The following ATP2B2 variants were observed in gnomAD, a reference collection of about 807,000 sequenced individuals.
ATP2B2 encodes the protein plasma membrane calcium-transporting ATPase 2.
A neutral mutation model predicts 120.0 loss-of-function variants in ATP2B2; 15 were observed. The observed-to-expected ratio is 0.12, with a 90% CI of 0.08 to 0.19. The LOEUF is 0.19. Among genes scored for constraint, ATP2B2 ranks in the 10% least tolerant of loss-of-function variants. The pLI, the probability that ATP2B2 is intolerant of heterozygous loss-of-function variation, is 1.00. For missense variants in ATP2B2, 1,045 were observed against 1,719.8 expected (o/e 0.61, Z 6.94); for synonymous variants, 694 against 700.3 (o/e 0.99, Z 0.14).
chr3:10,472,587 C>T (rs2065059022), intron 1 of ATP2B2, among the ~76,000 whole-genome samples: 1 of 152,202 alleles, frequency 6.6e-6, no homozygotes, highest in South Asian at 2.1e-4. Context: ...TGGCTGCTGA[C>T]TCAAAATATT....
rs773005890 is a variant in ATP2B2, at chr3:10,388,347, G to A, written c.837C>T (p.Asn279=). 6.2e-7 allele frequency: 1 copy of A among 1,614,128 alleles called. No homozygotes were observed. Among genetic ancestry groups the A allele is most frequent in the South Asian group, 1.1e-5 (1 of 91,084 alleles). ...GGGTAAAGATGATGCCAGTCTGAGA[G>A]TTCACACCCACAGCAGTCACCAACA... The part of the protein sequence containing the change: ...GRMLVTAVGV[N]SQTGIIFTLL... The change falls in exon 6 of 23, where the codon AAC becomes AAT. Residue 279 remains asparagine (N), a synonymous_variant. Transcript: ENST00000360273.
intron 2 of ATP2B2, among the ~76,000 whole-genome samples, chr3:10,421,593 G>A (rs911016634): frequency 1.3e-5 from 2 of 152,202 alleles, no homozygotes; most frequent in African/African-American, 2.4e-5. Flanking sequence ...CCAGGAGCTG[G>A]TCTTCAAGTT....
At chr3:10,663,659 C>T (rs1289988903) in intron 1 of ATP2B2, among the ~76,000 whole-genome samples, 1 of 152,162 alleles carries the variant, frequency 6.6e-6, no homozygotes, top group Non-Finnish European at 1.5e-5. Context: ...GAGTTTCTGG[C>T]AGCATGGGCA....
In ATP2B2 at chr3:10,493,023, G is replaced by GTTCA. The variant is rs575814546; in HGVS notation, c.-320+12438_-320+12441dup. ...CTCTCCATATCTGGCCAATTCATTTGTTCATTCATTCATTCATTCATTCAT... is the reference window on the plus strand; with the variant it reads ...CTCTCCATATCTGGCCAATTCATTTGTTCATTCATTCATTCATTCATTCATTCAT... On this transcript the variant is annotated intron_variant, in intron 1 of 22. Coordinates refer to ENST00000360273, the MANE Select transcript of ATP2B2 (RefSeq NM_001001331.4). Among the ~76,000 whole-genome samples, 1,148 of 152,102 alleles carry GTTCA rather than the reference G, an allele frequency of 7.5e-3. 4 individuals are homozygous for GTTCA. Among genetic ancestry groups the GTTCA allele is most frequent in the African/African-American group, 0.014 (577 of 41,476 alleles).
intron 1 of ATP2B2, among the ~76,000 whole-genome samples, chr3:10,466,885 G>A (rs1328278793): frequency 2.0e-5 from 3 of 152,174 alleles, no homozygotes; most frequent in African/African-American, 7.2e-5. Context: ...CATCTCCAGG[G>A]GTGACCGTGC....
At chr3:10,489,750 C>A (rs892183943) in intron 1 of ATP2B2, among the ~76,000 whole-genome samples, 1 of 152,228 alleles carries the variant, frequency 6.6e-6, no homozygotes, top group East Asian at 1.9e-4. Flanking sequence ...CCCAGCTGCA[C>A]CGTGAGCCTC....
Position 10,402,930 on chromosome 3 carries a change from A to AT in ATP2B2, c.398-583dup, listed in dbSNP as rs141389425. Among the ~76,000 whole-genome samples the AT allele has an allele frequency of 0.17, 25,632 of 151,256 alleles. 4,865 individuals are homozygous for AT. Among genetic ancestry groups the AT allele is most frequent in the African/African-American group, 0.48 (19,411 of 40,718 alleles). On this transcript the variant is annotated intron_variant, in intron 3 of 22. Coordinates refer to ENST00000360273, the MANE Select transcript of ATP2B2 (RefSeq NM_001001331.4). The surrounding 1 kb of genome is among the most constrained non-coding windows in gnomAD (Gnocchi z 4.9). ...CATGAGAAAAGAGAGTAAGTGAGGTATTTTTCTTTTTTTCCAGAACAAAGG... is the reference window on the plus strand; with the variant it reads ...CATGAGAAAAGAGAGTAAGTGAGGTATTTTTTCTTTTTTTCCAGAACAAAGG...
At chr3:10,456,932 G>T (rs1027068781) in intron 1 of ATP2B2, among the ~76,000 whole-genome samples, 2 of 152,220 alleles carry the variant, frequency 1.3e-5, no homozygotes, top group African/African-American at 4.8e-5. Flanking sequence ...CCTGCAGTTG[G>T]GGGTGGAGGG....
At chr3:10,661,686 A>T (rs2070784788) in intron 1 of ATP2B2, among the ~76,000 whole-genome samples, 1 of 152,250 alleles carries the variant, frequency 6.6e-6, no homozygotes, top group South Asian at 2.1e-4. Context: ...AAGGTAATTT[A>T]TAGATTCCAT....
chr3:10,551,909 G>A (rs914474553), intron 2 of ATP2B2, among the ~76,000 whole-genome samples: 3 of 152,198 alleles, frequency 2.0e-5, no homozygotes, highest in African/African-American at 7.2e-5. Context: ...AGCTCCCTAG[G>A]GCCCTCAGCA....
chr3:10,538,533 C>A (rs2067366656), intron 2 of ATP2B2, among the ~76,000 whole-genome samples: 1 of 152,216 alleles, frequency 6.6e-6, no homozygotes, highest in Admixed American at 6.5e-5. Flanking sequence ...CCGCCACGAT[C>A]AAGTTGGCTT....
chr3:10,658,464 C>T (rs953897380), intron 1 of ATP2B2, among the ~76,000 whole-genome samples: 13 of 152,060 alleles, frequency 8.5e-5, no homozygotes, highest in East Asian at 3.9e-4. Context: ...CTTCAGTAGC[C>T]GATTTGATCA....
At chr3:10,496,932 C>T (rs534561265) in intron 1 of ATP2B2, among the ~76,000 whole-genome samples, 7 of 148,222 alleles carry the variant, frequency 4.7e-5, no homozygotes, top group East Asian at 2.2e-4. Flanking sequence ...GCTGGACCAA[C>T]GGGCCAGCCA....
At chr3:10,338,094 G>C (rs987145590) in intron 22 of ATP2B2, 82 bp downstream of exon 22, 3 of 1,580,824 alleles carry the variant, frequency 1.9e-6, no homozygotes, top group Non-Finnish European at 1.7e-6. Context: ...CTGGGCCCTG[G>C]GGGGCAGCAC....
At chr3:10,619,610 G>A (rs114734272) in intron 2 of ATP2B2, among the ~76,000 whole-genome samples, 2,418 of 152,276 alleles carry the variant, frequency 0.016, 59 homozygotes, top group African/African-American at 0.054. Context: ...TAGGCTCTGC[G>A]AGGACAGGGG....
At chr3:10,544,201 C>T (rs1000400914) in intron 2 of ATP2B2, among the ~76,000 whole-genome samples, 4 of 152,132 alleles carry the variant, frequency 2.6e-5, no homozygotes, top group Admixed American at 6.6e-5. Context: ...CCCTAATCTG[C>T]TTGATTTAAG....
intron 1 of ATP2B2, among the ~76,000 whole-genome samples, chr3:10,662,196 C>T (rs920544060): frequency 1.3e-5 from 2 of 151,234 alleles, no homozygotes; most frequent in African/African-American, 4.9e-5. Context: ...ATAGGCATGT[C>T]TAAAATACCA....
At chr3:10,505,390 G>A (rs983677717) in intron 1 of ATP2B2, 75 bp downstream of exon 1, 17 of 152,344 alleles carry the variant, frequency 1.1e-4, no homozygotes, top group African/African-American at 3.8e-4. Context: ...TAAAATGGGT[G>A]AGGGAGGAAG....
chr3:10,533,868 C>A (rs1490398731), intron 3 of ATP2B2, among the ~76,000 whole-genome samples: 1 of 152,252 alleles, frequency 6.6e-6, no homozygotes, highest in Non-Finnish European at 1.5e-5. Flanking sequence ...TTTCCCCAAA[C>A]CAGCCCAATG....
Sources: allele counts gnomAD v4.1 joint callset (sites outside exome capture counted in the v4.1 genomes callset), GRCh38; gene constraint gnomAD v4.1.1; non-coding constraint Gnocchi (gnomAD v3.1); transcripts MANE v1.5; gene names NCBI Gene and HGNC (gene_info 2026-07-23, HGNC 2026-07-21).